Variants in DOCK1 observed in about 807,000 individuals in gnomAD.
DOCK1 encodes the protein dedicator of cytokinesis 1.
In DOCK1, 138 loss-of-function variants were observed where a neutral mutation model predicts 262.7. The ratio of observed to expected loss-of-function variants is 0.53; its 90% CI spans 0.46 to 0.61. DOCK1 has a LOEUF of 0.61. Among genes scored for constraint, DOCK1 ranks in the 20% least tolerant of loss-of-function variants. DOCK1 has a pLI of 0.00. For synonymous variants in DOCK1, 866 were observed against 867.4 expected, an observed-to-expected ratio of 1.00 and a Z score of 0.03; for missense variants, 1,908 against 2,370.7, an observed-to-expected ratio of 0.80 and a Z score of 4.05.
At chr10:126,983,978 T>C (rs371485227) in intron 4 of DOCK1, among the ~76,000 whole-genome samples, 35 of 152,324 alleles carry the variant, frequency 2.3e-4, no homozygotes, top group African/African-American at 8.4e-4. Context: ...ACGTTGGTCC[T>C]TGCTTCACTG....
intron 46 of DOCK1, among the ~76,000 whole-genome samples, chr10:127,421,432 A>G (rs768534830): frequency 6.6e-6 from 1 of 152,186 alleles, no homozygotes; most frequent in African/African-American, 2.4e-5. Context: ...CATAATATAC[A>G]TTATGTATAT....
At chr10:127,210,095 A>G (rs759139048) in intron 27 of DOCK1, among the ~76,000 whole-genome samples, 3 of 152,144 alleles carry the variant, frequency 2.0e-5, no homozygotes, top group Non-Finnish European at 4.4e-5. Flanking sequence ...CCAAAACCCC[A>G]ATCAAGAAAT....
chr10:127,260,968 GGTGT>G (rs142673509), intron 29 of DOCK1, among the ~76,000 whole-genome samples: 31,354 of 78,840 alleles, frequency 0.4, 5,716 homozygotes, highest in South Asian at 0.59. Context: ...TGTGCATGTG[GGTGT>G]GTGTGTGTGT....
At chr10:127,060,778 G>A (rs1564771760) in intron 22 of DOCK1, among the ~76,000 whole-genome samples, 1 of 152,100 alleles carries the variant, frequency 6.6e-6, no homozygotes, top group Non-Finnish European at 1.5e-5. Context: ...ATACTTTTCA[G>A]TTACCACTGA....
At chr10:126,923,704 C>G (rs2033426591) in intron 1 of DOCK1, among the ~76,000 whole-genome samples, 1 of 152,220 alleles carries the variant, frequency 6.6e-6, no homozygotes, top group African/African-American at 2.4e-5. Flanking sequence ...TTCTCGGCAT[C>G]TCTCTCCATG....
chr10:127,332,063 G>A (rs1401902025), intron 29 of DOCK1, among the ~76,000 whole-genome samples: 4 of 152,206 alleles, frequency 2.6e-5, no homozygotes, highest in Admixed American at 6.5e-5. Context: ...TTTGGCCCAC[G>A]ACAATTCCTT....
At chr10:127,134,781 G>A (rs1310211002) in intron 27 of DOCK1, among the ~76,000 whole-genome samples, 1 of 152,074 alleles carries the variant, frequency 6.6e-6, no homozygotes, top group South Asian at 2.1e-4. Context: ...CTTGAGTGTC[G>A]GTCTGCAGTG....
At chr10:127,117,149 A>G (rs1277986724) in intron 25 of DOCK1, among the ~76,000 whole-genome samples, 1 of 152,200 alleles carries the variant, frequency 6.6e-6, no homozygotes, top group East Asian at 1.9e-4. Flanking sequence ...TTCTGTTTCA[A>G]TTCCATCATA....
intron 1 of DOCK1, among the ~76,000 whole-genome samples, chr10:126,908,201 G>T (rs538870125): frequency 2.0e-4 from 30 of 152,380 alleles, no homozygotes; most frequent in African/African-American, 7.0e-4. Flanking sequence ...CAAGTGTGCA[G>T]TGGGAGGATT....
intron 38 of DOCK1, among the ~76,000 whole-genome samples, chr10:127,397,817 A>G (rs1466973258): frequency 1.5e-5 from 2 of 135,646 alleles, no homozygotes; most frequent in East Asian, 2.5e-4. Flanking sequence ...TGACTCCTGT[A>G]TGACCCGGGC....
At chr10:127,141,472 G>T (rs1204570360) in intron 27 of DOCK1, among the ~76,000 whole-genome samples, 1 of 152,134 alleles carries the variant, frequency 6.6e-6, no homozygotes. Flanking sequence ...GGAGGCCGAG[G>T]TGGGCGGATC....
chr10:127,419,782 G>C lies in DOCK1; in HGVS notation c.4776+33G>C, dbSNP rs372207011. 1,911 of 1,562,722 alleles carry C rather than the reference G, an allele frequency of 1.2e-3. 39 individuals are homozygous for C. The South Asian group carries it at 0.021, about 17-fold the overall frequency. On this transcript the variant is annotated intron_variant, in intron 46 of 51. Transcript: ENST00000623213. ...GTCCAGCAAGAGTCCTGCATGGCTG[G>C]AGGGAAGGAAAGCTAGGAGGGTCTA...
At chr10:127,025,593 T>C (rs1360155009) in intron 15 of DOCK1, among the ~76,000 whole-genome samples, 1 of 152,028 alleles carries the variant, frequency 6.6e-6, no homozygotes, top group Non-Finnish European at 1.5e-5. Flanking sequence ...ATTACAGGCA[T>C]GTACCATGAT....
At chr10:127,021,015 A>G (rs1275344435) in intron 13 of DOCK1, among the ~76,000 whole-genome samples, 1 of 152,166 alleles carries the variant, frequency 6.6e-6, no homozygotes. Context: ...GCAGGAGTCC[A>G]CTATGTCTGC....
chr10:127,247,135 G>A (rs1041832068), intron 27 of DOCK1, among the ~76,000 whole-genome samples: 4 of 152,136 alleles, frequency 2.6e-5, no homozygotes, highest in Non-Finnish European at 4.4e-5. Context: ...GCAAACAAAC[G>A]TGTGCACACC....
intron 8 of DOCK1, 95 bp downstream of exon 8, chr10:126,998,344 C>G (rs2135122673): frequency 4.0e-6 from 6 of 1,514,218 alleles, no homozygotes; most frequent in East Asian, 4.5e-5. Context: ...TGCTGAGAGG[C>G]CTTGGATGAA....
intron 15 of DOCK1, chr10:127,026,073 G>T (rs9418798): frequency 1.4e-4 from 31 of 220,750 alleles, no homozygotes; most frequent in East Asian, 4.4e-4. Context: ...AAAAAAAAAA[G>T]AAAGAAAAAA....
chr10:127,283,402 T>C (rs981711465), intron 29 of DOCK1, among the ~76,000 whole-genome samples: 19 of 152,204 alleles, frequency 1.2e-4, no homozygotes, highest in African/African-American at 4.6e-4. Context: ...TACTGAAGCC[T>C]CCAGAAGGCA....
intron 2 of DOCK1, among the ~76,000 whole-genome samples, chr10:126,973,036 A>G (rs2038231877): frequency 1.3e-5 from 2 of 151,690 alleles, no homozygotes; most frequent in Admixed American, 6.6e-5. Flanking sequence ...CATCTCAGAC[A>G]CTTTTCTGAT....
Sources: allele counts gnomAD v4.1 joint callset (sites outside exome capture counted in the v4.1 genomes callset), GRCh38; gene constraint gnomAD v4.1.1; transcripts MANE v1.5; gene names NCBI Gene and HGNC (gene_info 2026-07-23, HGNC 2026-07-21).